HHIP: variants seen among roughly 807,000 people sequenced by gnomAD.
The protein encoded by HHIP is hedgehog interacting protein.
A neutral mutation model predicts 74.0 loss-of-function variants in HHIP; 12 were observed. That is an observed-to-expected ratio of 0.16 (90% CI 0.10 to 0.26). HHIP has a LOEUF of 0.26. HHIP is among the 10% of genes least tolerant of loss of function. HHIP has a pLI of 1.00. For synonymous variants in HHIP, 309 were observed against 311.6 expected (o/e 0.99, Z 0.09); for missense variants, 788 against 845.0 (o/e 0.93, Z 0.84).
intron 4 of HHIP, among the ~76,000 whole-genome samples, chr4:144,679,417 C>T (rs1729272178): frequency 6.6e-6 from 1 of 152,028 alleles, no homozygotes; most frequent in Non-Finnish European, 1.5e-5. Flanking sequence ...TATTTTTTGC[C>T]ATTGCTTTTG....
At chr4:144,647,257 A>C in intron 1 of HHIP, 1 of 325,676 alleles carries the variant, frequency 3.1e-6, no homozygotes, top group Non-Finnish European at 5.6e-6. Flanking sequence ...CGCGATGAAC[A>C]GTGTGTTTTG....
chr4:144,724,675 T>TATATGTATGTATGC (rs1730744186), intron 11 of HHIP, among the ~76,000 whole-genome samples: 1 of 94,978 alleles, frequency 1.1e-5, no homozygotes, highest in Admixed American at 1.3e-4. Context: ...TGTGTATATA[T>TATATGTATGTATGC]ATATATTTAT....
intron 11 of HHIP, among the ~76,000 whole-genome samples, chr4:144,726,142 C>T (rs1028455403): frequency 1.3e-5 from 2 of 152,072 alleles, no homozygotes; most frequent in African/African-American, 4.8e-5. Flanking sequence ...AAATTAAAAA[C>T]TTGATTTTGG....
intron 11 of HHIP, 85 bp from the exon 12 acceptor site, chr4:144,734,656 C>T: frequency 1.8e-6 from 2 of 1,107,574 alleles, no homozygotes; most frequent in Non-Finnish European, 1.2e-6. Flanking sequence ...AAGAGGCATG[C>T]TTTGTAAGCC....
intron 4 of HHIP, among the ~76,000 whole-genome samples, chr4:144,671,078 G>A (rs1729024838): frequency 6.6e-6 from 1 of 152,094 alleles, no homozygotes; most frequent in Non-Finnish European, 1.5e-5. Flanking sequence ...CTCTTACCCT[G>A]TCTGTGATTT....
intron 8 of HHIP, 90 bp from the exon 9 acceptor site, chr4:144,714,135 T>C: frequency 8.9e-7 from 1 of 1,127,276 alleles, no homozygotes; most frequent in Non-Finnish European, 1.3e-6. Flanking sequence ...ATTTCAGAGT[T>C]AAATTACTAT....
chr4:144,682,171 G>A (rs1729365539), intron 4 of HHIP, among the ~76,000 whole-genome samples: 1 of 152,190 alleles, frequency 6.6e-6, no homozygotes, highest in African/African-American at 2.4e-5. Context: ...AAGCACTCTA[G>A]AGACTAATTT....
chr4:144,727,206 A>G (rs570524861), intron 11 of HHIP, among the ~76,000 whole-genome samples: 2 of 152,312 alleles, frequency 1.3e-5, no homozygotes, highest in African/African-American at 4.8e-5. Flanking sequence ...TTTCTGGTTT[A>G]CATATTGCCA....
rs569116586 is a variant in HHIP at position 144,676,123 on chromosome 4, G to A, written c.831+16285G>A. Among the ~76,000 whole-genome samples, 4 of 152,206 alleles carry A rather than the reference G, an allele frequency of 2.6e-5. No individual in the cohort carries two copies. In the South Asian group the frequency reaches 6.2e-4, roughly 24 times the overall value. On this transcript the variant is annotated intron_variant, in intron 4 of 12. Coordinates refer to ENST00000296575, the MANE Select transcript of HHIP (RefSeq NM_022475.3). ...GTGAAAGAGTTGTCAACAGACTGAGGGCAATCTTTAAATGATGGGGAAAAT... is the reference window on the plus strand; with the variant it reads ...GTGAAAGAGTTGTCAACAGACTGAGAGCAATCTTTAAATGATGGGGAAAAT...
At chr4:144,684,659 G>T (rs1729439633) in intron 4 of HHIP, among the ~76,000 whole-genome samples, 2 of 152,060 alleles carry the variant, frequency 1.3e-5, no homozygotes, top group Non-Finnish European at 2.9e-5. Context: ...AAAAAGTTTA[G>T]CATATTTATC....
In HHIP at chr4:144,743,167, T is replaced by C. The variant is rs1731311430; in HGVS notation, c.*5210T>C. On this transcript the variant is annotated 3_prime_UTR_variant, in exon 13 of 13. Coordinates refer to ENST00000296575, the MANE Select transcript of HHIP (RefSeq NM_022475.3). ...TGGACTTCACCTTAAAATAAGTTTT[T>C]AGGAGAGTAATATATATTCATGGGA... The C allele has an allele frequency of 6.6e-6, 1 of 150,594 alleles. No homozygotes were observed. Among genetic ancestry groups the C allele is most frequent in the African/African-American group, 2.4e-5 (1 of 41,050 alleles). The allele number at this position is 150,594 out of a possible 1,614,324, so 9.3% of individuals were successfully genotyped here. A position where few individuals can be genotyped will look rare whatever the true frequency, so the allele number is the denominator to read the frequency against.
intron 1 of HHIP, among the ~76,000 whole-genome samples, chr4:144,649,286 G>C (rs993898203): frequency 6.6e-6 from 1 of 151,900 alleles, no homozygotes; most frequent in Non-Finnish European, 1.5e-5. Context: ...AGAAACTACA[G>C]TAGTAGCTTT....
In HHIP at chr4:144,742,745, A is replaced by T. The variant is rs1053915426; in HGVS notation, c.*4788A>T. 1 of 149,710 alleles carries T rather than the reference A, an allele frequency of 6.7e-6. No homozygotes were observed. Among genetic ancestry groups the T allele is most frequent in the Non-Finnish European group, 1.5e-5 (1 of 67,508 alleles). The allele number at this position is 149,710 out of a possible 1,614,324, so 9.3% of individuals were successfully genotyped here. On this transcript the variant is annotated 3_prime_UTR_variant, in exon 13 of 13. Transcript: ENST00000296575. Reference sequence around the variant, plus strand: ...TTTATCTTTAAAATACCTAAAAATAAATATATATTTGCTATCTTATCCTCT... The same window carrying T: ...TTTATCTTTAAAATACCTAAAAATATATATATATTTGCTATCTTATCCTCT...
intron 4 of HHIP, among the ~76,000 whole-genome samples, chr4:144,670,109 A>C (rs1578687164): frequency 6.7e-6 from 1 of 148,970 alleles, no homozygotes; most frequent in South Asian, 2.1e-4. Flanking sequence ...ACACCACAGC[A>C]CTCCAGCCTG....
rs1728262787 is a variant in HHIP at position 144,646,506 on chromosome 4, T to C, written c.-170T>C. ...GGACCCATCGCCGCGTCTTTTATTT[T>C]TTGCAAAGTTGCATCGCTGTACATA... On this transcript the variant is annotated 5_prime_UTR_variant, in exon 1 of 13. Coordinates refer to ENST00000296575, the MANE Select transcript of HHIP (RefSeq NM_022475.3). 1.6e-6 allele frequency: 1 copy of C among 623,948 alleles called. No individual in the cohort carries two copies. The highest frequency in any genetic ancestry group is 1.8e-5 in the African/African-American group (1 of 54,550). The allele number at this position is 623,948 out of a possible 1,614,324, so 38.7% of individuals were successfully genotyped here.
chr4:144,684,057 C>T (rs910325413), intron 4 of HHIP, among the ~76,000 whole-genome samples: 9 of 119,274 alleles, frequency 7.5e-5, no homozygotes, highest in Non-Finnish European at 1.4e-4. Flanking sequence ...AGTGAGACTC[C>T]GTCTAAAAAA....
In HHIP at chr4:144,715,405, C is replaced by G; in HGVS notation, c.1653C>G (p.Ile551Met). 2 of 1,613,396 alleles carry G rather than the reference C, an allele frequency of 1.2e-6. No individual in the cohort carries two copies. The highest frequency in any genetic ancestry group is 1.7e-6 in the Non-Finnish European group (2 of 1,179,480). ...GTAGAGGCTACTTTTCCGGTCACATCTTGGGATTTGGAGAAGATGAACTAG... is the reference window on the plus strand; with the variant it reads ...GTAGAGGCTACTTTTCCGGTCACATGTTGGGATTTGGAGAAGATGAACTAG... Reference protein sequence around the residue: ...GSCRGYFSGHILGFGEDELGE... With the variant: ...GSCRGYFSGHMLGFGEDELGE... The change falls in exon 10 of 13, where the codon ATC becomes ATG. Residue 551 changes from isoleucine to methionine, a missense_variant. Ile to Met is a conservative substitution (Grantham distance 10, BLOSUM62 1). Around this residue, in one of 3 missense-constraint regions of HHIP, gnomAD observed 343 missense variants for 347.9 expected, o/e 0.99. Transcript: ENST00000296575.
chr4:144,714,144 A>T, intron 8 of HHIP, 81 bp from the exon 9 acceptor site: 2 of 1,210,562 alleles, frequency 1.7e-6, no homozygotes, highest in Non-Finnish European at 2.4e-6. Flanking sequence ...TTAAATTACT[A>T]TAGTAATTGT....
At chr4:144,687,222 G>A (rs1022538041) in intron 4 of HHIP, among the ~76,000 whole-genome samples, 2 of 152,118 alleles carry the variant, frequency 1.3e-5, no homozygotes, top group African/African-American at 4.8e-5. Flanking sequence ...TTCTCTTCAT[G>A]TGTTTTGTGC....
Sources: gnomAD v4.1 joint callset for allele counts (sites outside exome capture counted in the v4.1 genomes callset) on GRCh38, gnomAD v4.1.1 for gene constraint, gnomAD v4.1.1 regional missense constraint, MANE v1.5 for transcripts, NCBI Gene and HGNC (gene_info 2026-07-23, HGNC 2026-07-21) for gene names.